Variants in IQSEC1 observed in about 807,000 individuals in gnomAD.
IQSEC1 encodes the protein IQ motif and Sec7 domain ArfGEF 1.
IQSEC1 carries 31 observed loss-of-function variants against 91.0 expected under a neutral mutation model. The ratio of observed to expected loss-of-function variants is 0.34; its 90% CI spans 0.26 to 0.46. The LOEUF (loss-of-function observed/expected upper bound fraction) is 0.46. Among genes scored for constraint, IQSEC1 ranks in the 20% least tolerant of loss-of-function variants. IQSEC1 has a pLI of 1.00. For missense variants in IQSEC1, 1,388 were observed against 1,575.6 expected, an observed-to-expected ratio of 0.88 and a Z score of 2.02; for synonymous variants, 699 against 662.6, an observed-to-expected ratio of 1.05 and a Z score of -0.84.
At chr3:13,196,290 G>A (rs1694123862) in intron 1 of IQSEC1, among the ~76,000 whole-genome samples, 1 of 152,168 alleles carries the variant, frequency 6.6e-6, no homozygotes, top group Admixed American at 6.5e-5. Context: ...CAGCCATCCA[G>A]GCACCTGAAG....
chr3:13,245,838 C>T (rs1282780486), intron 1 of IQSEC1, among the ~76,000 whole-genome samples: 1 of 151,884 alleles, frequency 6.6e-6, no homozygotes. Context: ...CACCCCACCA[C>T]ACTCCATGGC....
chr3:12,969,693 C>T (rs998308227), intron 1 of IQSEC1, among the ~76,000 whole-genome samples: 5 of 152,240 alleles, frequency 3.3e-5, no homozygotes, highest in African/African-American at 4.8e-5. Flanking sequence ...TTGACAGCCT[C>T]ACCATCCGGA....
intron 1 of IQSEC1, among the ~76,000 whole-genome samples, chr3:13,038,260 G>GTA (rs1452632242): frequency 0.016 from 967 of 62,134 alleles, 5 homozygotes; most frequent in Non-Finnish European, 0.021. Context: ...GTGTGTGTGT[G>GTA]TGTATATATA....
At chr3:13,155,727 C>G (rs1265180087) in intron 2 of IQSEC1, among the ~76,000 whole-genome samples, 1 of 152,102 alleles carries the variant, frequency 6.6e-6, no homozygotes, top group Non-Finnish European at 1.5e-5. Context: ...CAGCAAATAT[C>G]AGCAACAAAA....
intron 2 of IQSEC1, among the ~76,000 whole-genome samples, chr3:13,084,199 G>A (rs1399879756): frequency 6.6e-6 from 1 of 152,150 alleles, no homozygotes; most frequent in Non-Finnish European, 1.5e-5. Flanking sequence ...TCAGAGGGCA[G>A]CTGCACCTGA....
intron 1 of IQSEC1, among the ~76,000 whole-genome samples, chr3:13,215,508 T>A (rs946759722): frequency 1.3e-5 from 2 of 152,182 alleles, no homozygotes; most frequent in African/African-American, 4.8e-5. Flanking sequence ...TCTGAACAGC[T>A]TCACAATTGC....
intron 1 of IQSEC1, among the ~76,000 whole-genome samples, chr3:12,990,925 C>T (rs1407890296): frequency 2.0e-5 from 3 of 152,192 alleles, no homozygotes; most frequent in African/African-American, 2.4e-5. Context: ...AAAAAATGCT[C>T]GCTGGGTTTG....
At chr3:13,276,340 G>A (rs1415621171) in intron 1 of IQSEC1, among the ~76,000 whole-genome samples, 1 of 151,890 alleles carries the variant, frequency 6.6e-6, no homozygotes, top group Non-Finnish European at 1.5e-5. Context: ...CGCCCGCCTC[G>A]GCCTCCCAAA....
At position 13,193,414 on chromosome 3, in the gene IQSEC1, G is replaced by A. The variant is rs1274008643; in HGVS notation, c.273-29281C>T. 6.6e-6 allele frequency among the ~76,000 whole-genome samples: 1 copy of A among 152,212 alleles called. No individual in the cohort carries two copies. Among genetic ancestry groups the A allele is most frequent in the Non-Finnish European group, 1.5e-5 (1 of 68,028 alleles). Reference sequence around the variant, plus strand: ...GGAAGGTAAAGATCAGAGGTGGCTTGGAAAGAGCTCTCTGGCTACAGAGTG... The same window carrying A: ...GGAAGGTAAAGATCAGAGGTGGCTTAGAAAGAGCTCTCTGGCTACAGAGTG... On this transcript the variant is annotated intron_variant, in intron 1 of 15. Transcript: ENST00000648114. This position sits in a 1 kb window ranked among gnomAD's most constrained non-coding sequence, Gnocchi z 4.2.
At chr3:13,063,197 C>T (rs1705127495) in intron 1 of IQSEC1, among the ~76,000 whole-genome samples, 1 of 152,226 alleles carries the variant, frequency 6.6e-6, no homozygotes, top group Non-Finnish European at 1.5e-5. Flanking sequence ...CTGTTCACTG[C>T]CCTAGTCCTG....
intron 2 of IQSEC1, among the ~76,000 whole-genome samples, chr3:13,093,017 C>T (rs1225336329): frequency 6.6e-6 from 1 of 152,106 alleles, no homozygotes; most frequent in Admixed American, 6.5e-5. Context: ...CCTCAGGGTC[C>T]TATCTCTGTG....
chr3:13,156,856 A>C (rs1184753775), intron 2 of IQSEC1, among the ~76,000 whole-genome samples: 3 of 152,226 alleles, frequency 2.0e-5, no homozygotes, highest in Non-Finnish European at 4.4e-5. Context: ...AGGGAACAGC[A>C]CAGGCAAAGG....
intron 2 of IQSEC1, among the ~76,000 whole-genome samples, chr3:13,135,980 C>T (rs115080949): frequency 0.014 from 2,096 of 152,328 alleles, 46 homozygotes; most frequent in African/African-American, 0.048. Flanking sequence ...CGGGACTCTG[C>T]TGCGTGGGAC....
intron 1 of IQSEC1, among the ~76,000 whole-genome samples, chr3:13,026,542 C>A (rs1053991274): frequency 2.6e-5 from 4 of 152,238 alleles, no homozygotes; most frequent in Non-Finnish European, 4.4e-5. Flanking sequence ...AACTGTGGAG[C>A]CTGGTGGGGC....
At chr3:12,918,417 C>G (rs895435479) in intron 6 of IQSEC1, among the ~76,000 whole-genome samples, 2 of 152,202 alleles carry the variant, frequency 1.3e-5, no homozygotes, top group Admixed American at 1.3e-4. Flanking sequence ...CTCAGCAGCC[C>G]TGCCCTGCCA....
chr3:12,950,643 CA>C (rs1180376229), intron 1 of IQSEC1, among the ~76,000 whole-genome samples: 1 of 119,552 alleles, frequency 8.4e-6, no homozygotes, highest in Non-Finnish European at 1.8e-5. Flanking sequence ...TCCATCTCTA[CA>C]AATTTTTTTT....
chr3:12,962,680 C>T (rs1700315077), intron 1 of IQSEC1, among the ~76,000 whole-genome samples: 1 of 152,240 alleles, frequency 6.6e-6, no homozygotes, highest in South Asian at 2.1e-4. Context: ...GTCCTCAGGA[C>T]CCTGCTCCAA....
At chr3:13,013,498 G>A (rs1353879941) in intron 1 of IQSEC1, among the ~76,000 whole-genome samples, 1 of 152,226 alleles carries the variant, frequency 6.6e-6, no homozygotes, top group Non-Finnish European at 1.5e-5. Flanking sequence ...AGGCCACAGT[G>A]TGGACCCTCC....
In IQSEC1 at chr3:12,899,301, C is replaced by A. The variant is rs532092444; in HGVS notation, c.*1682G>T. 1 of 1,435,036 alleles carries A rather than the reference C, an allele frequency of 7.0e-7. No homozygotes were observed. The highest frequency in any genetic ancestry group is 9.6e-7 in the Non-Finnish European group (1 of 1,038,848). The allele number at this position is 1,435,036 out of a possible 1,614,324, so 88.9% of individuals were successfully genotyped here. A position where few individuals can be genotyped will look rare whatever the true frequency, so the allele number is the denominator to read the frequency against. ...GCTGTCCACTGGGAACGCGGCCCCG[C>A]GGCCCGCAGAGTCAGGCGTGAGCTT... is the stretch of plus-strand genomic sequence containing the variant. On this transcript the variant is annotated 3_prime_UTR_variant, in exon 14 of 14. Coordinates refer to ENST00000613206, the MANE Select transcript of IQSEC1 (RefSeq NM_001134382.3).
Sources: allele counts gnomAD v4.1 joint callset (sites outside exome capture counted in the v4.1 genomes callset), GRCh38; gene constraint gnomAD v4.1.1; non-coding constraint Gnocchi (gnomAD v3.1); transcripts MANE v1.5; gene names NCBI Gene and HGNC (gene_info 2026-07-23, HGNC 2026-07-21).